The following TJP3 variants were observed in gnomAD, a reference collection of about 807,000 sequenced individuals.
TJP3 encodes tight junction protein ZO-3.
Under a neutral mutation model 104.2 loss-of-function variants are expected in TJP3, and 85 were observed. The ratio of observed to expected loss-of-function variants is 0.82; its 90% CI spans 0.68 to 0.98. The LOEUF is 0.98. TJP3 is among the 50% of genes least tolerant of loss of function. The pLI is 0.00. For missense variants in TJP3, 1,367 were observed against 1,322.8 expected (o/e 1.03, Z -0.52); for synonymous variants, 550 against 550.6 (o/e 1.00, Z 0.02).
At chr19:3,733,633 G>C (rs1416463339) in intron 6 of TJP3, 120 bp from the exon 7 acceptor site, 1 of 1,366,654 alleles carries the variant, frequency 7.3e-7, no homozygotes, top group Admixed American at 1.9e-5. Context: ...TTAGGGAGTG[G>C]CTGTTTTTAG....
intron 1 of TJP3, among the ~76,000 whole-genome samples, chr19:3,712,697 C>T (rs888994500): frequency 6.6e-6 from 1 of 152,108 alleles, no homozygotes; most frequent in African/African-American, 2.4e-5. Flanking sequence ...GCCTGGAATC[C>T]CAACATTTTG....
At chr19:3,710,973 G>A (rs754970569) in intron 1 of TJP3, among the ~76,000 whole-genome samples, 7 of 149,784 alleles carry the variant, frequency 4.7e-5, no homozygotes, top group African/African-American at 7.4e-5. Context: ...GCGCGATCTC[G>A]GCTCACTGCA....
At chr19:3,717,405 T>TTATATATATA (rs112882829) in intron 1 of TJP3, among the ~76,000 whole-genome samples, 26 of 133,748 alleles carry the variant, frequency 1.9e-4, no homozygotes, top group African/African-American at 2.9e-4. Flanking sequence ...CAGCCATAGC[T>TTATATATATA]TATATATATA....
At chr19:3,732,635 G>A (rs7251347) in intron 6 of TJP3, among the ~76,000 whole-genome samples, 41,947 of 151,300 alleles carry the variant, frequency 0.28, 6,039 homozygotes, top group East Asian at 0.38. Flanking sequence ...TTAGCCTCCC[G>A]AGTAGCTGGG....
rs192755936 is a variant in TJP3 at position 3,710,967 on chromosome 19, G to A, written c.-10+2406G>A. ...CGCCCAGGCTGGAGTGCGGTGGCGC[G>A]ATCTCGGCTCACTGCAAGCTCCGCC... On this transcript the variant is annotated intron_variant, in intron 1 of 20. Coordinates refer to ENST00000541714, the MANE Select transcript of TJP3 (RefSeq NM_001267560.2). Among the ~76,000 whole-genome samples, 1,503 of 151,954 alleles carry A rather than the reference G, an allele frequency of 9.9e-3. 28 individuals carry two copies. The highest frequency in any genetic ancestry group is 0.034 in the African/African-American group (1,421 of 41,430).
chr19:3,740,609 C>T lies in TJP3; in HGVS notation c.1689C>T (p.Gly563=). 6.4e-7 allele frequency: 1 copy of T among 1,565,358 alleles called. No homozygotes were observed. Among genetic ancestry groups the T allele is most frequent in the African/African-American group, 1.4e-5 (1 of 73,398 alleles). Residue 563 remains glycine, a synonymous_variant, in exon 14 of 21, where the codon GGC becomes GGT. Transcript: ENST00000541714. ...AGAGGGCCGTGGGAGTCGGGCCCGG[C>T]TCCTCCGCGGGCTCCAATGCTCGGG... ...AAQRAVGVGP[G]SSAGSNARAE...
rs2036896399 is a variant in TJP3 at position 3,746,652 on chromosome 19, A to G, written c.2178A>G (p.Ala726=). Residue 726 remains alanine, a synonymous_variant, in exon 17 of 21, where the codon GCA becomes GCG. Coordinates refer to ENST00000541714, the MANE Select transcript of TJP3 (RefSeq NM_001267560.2). The surrounding 1 kb of genome is among the most constrained non-coding windows in gnomAD (Gnocchi z 4.1). ...GCCGCAGCACCCGTCGCCTCTACGCACAAGCCCAGAAGCTGCGAAAACACA... is the reference window on the plus strand; with the variant it reads ...GCCGCAGCACCCGTCGCCTCTACGCGCAAGCCCAGAAGCTGCGAAAACACA... ...ASRRSTRRLY[A]QAQKLRKHSS... is the part of the protein sequence containing the mutation. The G allele has an allele frequency of 1.9e-6, 3 of 1,613,100 alleles. No individual in the cohort carries two copies. The highest frequency in any genetic ancestry group is 2.5e-6 in the Non-Finnish European group (3 of 1,179,760).
Position 3,748,040 on chromosome 19 carries a change from C to T in TJP3, c.2569C>T (p.Pro857Ser). ...EPVQADESQS[P>S]RDRGRISAHQ... ...CGTGCAGGCAGATGAGTCCCAGAGCCCGAGGGATCGTGGGAGAATCTCGGC... is the reference window on the plus strand; with the variant it reads ...CGTGCAGGCAGATGAGTCCCAGAGCTCGAGGGATCGTGGGAGAATCTCGGC... Residue 857 changes from proline to serine, a missense_variant, in exon 19 of 21, where the codon CCG (proline) becomes TCG (serine). Physicochemically the swap from Pro to Ser is moderately conservative, Grantham distance 74 (BLOSUM62 -1). Coordinates refer to ENST00000541714, the MANE Select transcript of TJP3 (RefSeq NM_001267560.2). 6.3e-7 allele frequency: 1 copy of T among 1,594,126 alleles called. No individual in the cohort carries two copies. The highest frequency in any genetic ancestry group is 8.5e-7 in the Non-Finnish European group (1 of 1,170,766).
intron 14 of TJP3, chr19:3,743,624 A>G (rs1212980758): frequency 7.7e-6 from 2 of 261,266 alleles, no homozygotes; most frequent in Non-Finnish European, 1.5e-5. Flanking sequence ...TGAGTTAGCT[A>G]GGTTCAACTG....
chr19:3,720,913 T>C, intron 1 of TJP3, among the ~76,000 whole-genome samples: 1 of 146,510 alleles, frequency 6.8e-6, no homozygotes, highest in East Asian at 2.0e-4. Flanking sequence ...TTTTTTTTTT[T>C]TTTTTTTGAG....
chr19:3,748,418 C>T (rs767481958), intron 19 of TJP3, among the ~76,000 whole-genome samples: 3 of 147,730 alleles, frequency 2.0e-5, no homozygotes, highest in Non-Finnish European at 3.0e-5. Flanking sequence ...ATTACAGGCA[C>T]CTGCCACCAT....
intron 14 of TJP3, among the ~76,000 whole-genome samples, chr19:3,743,018 C>A (rs919650885): frequency 6.6e-6 from 1 of 151,898 alleles, no homozygotes; most frequent in Non-Finnish European, 1.5e-5. Context: ...GTAATCCCAG[C>A]ACTTTGGGAG....
intron 1 of TJP3, among the ~76,000 whole-genome samples, chr19:3,712,729 G>C (rs188315600): frequency 1.3e-5 from 2 of 152,036 alleles, no homozygotes; most frequent in African/African-American, 4.8e-5. Context: ...TGGGAGGATC[G>C]CATGAGCCCA....
At position 3,720,559 on chromosome 19, in the gene TJP3, G is replaced by A. The variant is rs541114241; in HGVS notation, c.-9-7865G>A. ...TAAGGCTGGGAAGGGGTGTTTATGT[G>A]TAGCTTTGCCCTTTTACCCTTTTAA... is the stretch of plus-strand genomic sequence containing the variant. On this transcript the variant is annotated intron_variant, in intron 1 of 20. Coordinates refer to ENST00000541714, the MANE Select transcript of TJP3 (RefSeq NM_001267560.2). Among the ~76,000 whole-genome samples the A allele has an allele frequency of 9.1e-4, 138 of 152,168 alleles. 1 individual carries two copies. The highest frequency in any genetic ancestry group is 1.7e-3 in the Non-Finnish European group (113 of 68,002).
intron 1 of TJP3, among the ~76,000 whole-genome samples, chr19:3,724,900 G>C (rs537380680): frequency 1.3e-5 from 2 of 152,080 alleles, no homozygotes; most frequent in Non-Finnish European, 2.9e-5. Context: ...AAAAGATGCA[G>C]TTTTGAAAAA....
At chr19:3,713,857 A>G (rs923622021) in intron 1 of TJP3, among the ~76,000 whole-genome samples, 1 of 149,222 alleles carries the variant, frequency 6.7e-6, no homozygotes, top group Non-Finnish European at 1.5e-5. Flanking sequence ...CTGGGACTAC[A>G]GGCGCCCGCC....
At position 3,735,589 on chromosome 19, in the gene TJP3, A is replaced by G. The variant is rs1479675474; in HGVS notation, c.1010A>G (p.Glu337Gly). 4 of 1,614,154 alleles carry G rather than the reference A, an allele frequency of 2.5e-6. No homozygotes were observed. Among genetic ancestry groups the G allele is most frequent in the Non-Finnish European group, 3.4e-6 (4 of 1,180,028 alleles). The change falls in exon 9 of 21, where the codon GAA becomes GGA. Residue 337 changes from glutamate to glycine, a missense_variant. Coordinates refer to ENST00000541714, the MANE Select transcript of TJP3 (RefSeq NM_001267560.2). The part of the protein sequence containing the change: ...SPVESPRLRR[E>G]SSVDSRTISE... Reference sequence around the variant, plus strand: ...AGGGAGAGTCCCCGGCTTCGGCGGGAAAGTTCAGTAGATTCCAGAACCATC... The same window carrying G: ...AGGGAGAGTCCCCGGCTTCGGCGGGGAAGTTCAGTAGATTCCAGAACCATC...
At chr19:3,739,932 T>G (rs974817170) in intron 13 of TJP3, among the ~76,000 whole-genome samples, 5 of 151,938 alleles carry the variant, frequency 3.3e-5, no homozygotes, top group Non-Finnish European at 7.4e-5. Context: ...CTCAATAGCA[T>G]CAGTTTAATC....
intron 1 of TJP3, chr19:3,721,687 G>A: frequency 2.8e-6 from 1 of 360,378 alleles, no homozygotes; most frequent in East Asian, 4.0e-5. Context: ...GGCGTGTCTG[G>A]GCAGGGGCGG....
Sources: allele counts gnomAD v4.1 joint callset (sites outside exome capture counted in the v4.1 genomes callset), GRCh38; gene constraint gnomAD v4.1.1; non-coding constraint Gnocchi (gnomAD v3.1); transcripts MANE v1.5; gene names NCBI Gene and HGNC (gene_info 2026-07-23, HGNC 2026-07-21).